GPC5: variants seen among roughly 807,000 people sequenced by gnomAD.
GPC5 encodes the protein glypican-5.
A neutral mutation model predicts 53.9 loss-of-function variants in GPC5; 47 were observed. That is an observed-to-expected ratio of 0.87 (90% confidence interval 0.69 to 1.11). The LOEUF is 1.11. GPC5 is among the 50% of genes most tolerant of loss of function. GPC5 has a pLI of 0.00. For synonymous variants in GPC5, 286 were observed against 263.3 expected (o/e 1.09, Z -0.84); for missense variants, 748 against 713.1 (o/e 1.05, Z -0.56).
At chr13:92,182,682 C>T (rs1042096037) in intron 7 of GPC5, among the ~76,000 whole-genome samples, 2 of 151,680 alleles carry the variant, frequency 1.3e-5, no homozygotes, top group South Asian at 2.1e-4. Context: ...CTGGCTAACA[C>T]GGTGAAACAC....
chr13:91,472,003 C>A (rs1267373673), intron 2 of GPC5, among the ~76,000 whole-genome samples: 2 of 152,090 alleles, frequency 1.3e-5, no homozygotes, highest in African/African-American at 4.8e-5. Context: ...ATCTAATATT[C>A]ATAGCTTTAA....
chr13:92,633,426 A>G (rs1885319051), intron 7 of GPC5, among the ~76,000 whole-genome samples: 1 of 152,136 alleles, frequency 6.6e-6, no homozygotes, highest in Non-Finnish European at 1.5e-5. Context: ...GTATAGATTA[A>G]TTTAAGAAAA....
chr13:92,251,039 C>T (rs773938320), intron 7 of GPC5, among the ~76,000 whole-genome samples: 1 of 151,974 alleles, frequency 6.6e-6, no homozygotes, highest in African/African-American at 2.4e-5. Context: ...GTCCCTGATC[C>T]CTTATTTTCT....
intron 7 of GPC5, among the ~76,000 whole-genome samples, chr13:92,205,838 G>A (rs1263576081): frequency 6.6e-6 from 1 of 152,074 alleles, no homozygotes; most frequent in East Asian, 1.9e-4. Flanking sequence ...CCTGAGATCA[G>A]GAGTTCAAGA....
chr13:92,094,087 T>C (rs1307181605), intron 6 of GPC5, among the ~76,000 whole-genome samples: 1 of 152,206 alleles, frequency 6.6e-6, no homozygotes, highest in Non-Finnish European at 1.5e-5. Context: ...TTTCATTAGA[T>C]ACTGTTTTTA....
chr13:92,366,118 A>G (rs1277527772), intron 7 of GPC5, among the ~76,000 whole-genome samples: 1 of 151,700 alleles, frequency 6.6e-6, no homozygotes, highest in Admixed American at 6.6e-5. Flanking sequence ...CACAATGGTC[A>G]TGACATCACT....
chr13:91,728,220 C>G, intron 3 of GPC5, among the ~76,000 whole-genome samples: 1 of 152,128 alleles, frequency 6.6e-6, no homozygotes, highest in Non-Finnish European at 1.5e-5. Flanking sequence ...TAAATAATAT[C>G]TATTTTGGTA....
chr13:92,542,588 AC>A (rs1185212747), intron 7 of GPC5, among the ~76,000 whole-genome samples: 1 of 151,794 alleles, frequency 6.6e-6, no homozygotes, highest in Non-Finnish European at 1.5e-5. Context: ...AGTTTTATAT[AC>A]TTTTGCATTT....
intron 7 of GPC5, among the ~76,000 whole-genome samples, chr13:92,663,427 A>C (rs1352383714): frequency 7.9e-5 from 12 of 151,720 alleles, no homozygotes; most frequent in Admixed American, 3.3e-4. Context: ...AAAAGAGCTT[A>C]TCTAGTTTAT....
intron 7 of GPC5, among the ~76,000 whole-genome samples, chr13:92,338,689 G>T (rs144346619): frequency 9.6e-4 from 146 of 152,214 alleles, no homozygotes; most frequent in African/African-American, 3.5e-3. Context: ...GTGAAGGGCA[G>T]AATTGTGGTG....
At chr13:92,131,380 A>G (rs1466515556) in intron 6 of GPC5, among the ~76,000 whole-genome samples, 1 of 152,076 alleles carries the variant, frequency 6.6e-6, no homozygotes, top group Non-Finnish European at 1.5e-5. Context: ...CAGTCTATCA[A>G]AAGATATGTA....
chr13:92,752,986 C>A (rs1445578611), intron 7 of GPC5, among the ~76,000 whole-genome samples: 17 of 152,304 alleles, frequency 1.1e-4, no homozygotes, highest in Non-Finnish European at 2.2e-4. Flanking sequence ...GTGGAGCCCA[C>A]CACAGCTCAG....
intron 7 of GPC5, among the ~76,000 whole-genome samples, chr13:92,711,286 C>T (rs1235686970): frequency 1.3e-5 from 2 of 152,126 alleles, no homozygotes; most frequent in African/African-American, 4.8e-5. Context: ...CAATCCACAA[C>T]ACTTTGAATT....
At chr13:92,865,699 G>A (rs369390029) in intron 7 of GPC5, among the ~76,000 whole-genome samples, 253 of 152,228 alleles carry the variant, frequency 1.7e-3, no homozygotes, top group African/African-American at 5.5e-3. Flanking sequence ...GGATATGCTA[G>A]CCAGCTTGAC....
At chr13:92,240,169 T>C (rs1261070474) in intron 7 of GPC5, 2 of 152,086 alleles carry the variant, frequency 1.3e-5, no homozygotes, top group African/African-American at 4.8e-5. Flanking sequence ...ATCTATTTGA[T>C]ATTATATTTC....
intron 7 of GPC5, among the ~76,000 whole-genome samples, chr13:92,600,384 A>G (rs551437044): frequency 9.5e-4 from 144 of 152,178 alleles, no homozygotes; most frequent in African/African-American, 3.4e-3. Flanking sequence ...ATTTTACCTT[A>G]TTTGTGGAGT....
intron 7 of GPC5, among the ~76,000 whole-genome samples, chr13:92,730,754 A>C (rs995471426): frequency 5.9e-5 from 9 of 151,346 alleles, no homozygotes; most frequent in Admixed American, 4.6e-4. Flanking sequence ...AGATTTAAAG[A>C]CTTCTTGAGG....
intron 1 of GPC5, among the ~76,000 whole-genome samples, chr13:91,443,639 C>A (rs1392540813): frequency 6.6e-6 from 1 of 152,176 alleles, no homozygotes; most frequent in Non-Finnish European, 1.5e-5. Flanking sequence ...GTCATTTCTT[C>A]AAGAAGCGCT....
intron 6 of GPC5, among the ~76,000 whole-genome samples, chr13:91,976,239 T>A (rs1247298035): frequency 6.6e-6 from 1 of 152,198 alleles, no homozygotes; most frequent in African/African-American, 2.4e-5. Context: ...AACCTGCACG[T>A]TGTGCACATG....
Sources: gnomAD v4.1 joint callset for allele counts (sites outside exome capture counted in the v4.1 genomes callset) on GRCh38, gnomAD v4.1.1 for gene constraint, MANE v1.5 for transcripts, NCBI Gene and HGNC (gene_info 2026-07-23, HGNC 2026-07-21) for gene names.